The following GTF2IRD1 variants were observed in gnomAD, a reference collection of about 807,000 sequenced individuals.
The protein encoded by GTF2IRD1 is general transcription factor II-I repeat domain-containing protein 1.
A neutral mutation model predicts 113.2 loss-of-function variants in GTF2IRD1; 26 were observed. The ratio of observed to expected loss-of-function variants is 0.23; its 90% CI spans 0.17 to 0.32. The LOEUF (loss-of-function observed/expected upper bound fraction) is 0.32, where lower values mean the gene tolerates loss of function less well. Ranked by LOEUF, GTF2IRD1 falls within the 10% of genes least tolerant of loss-of-function variation. The pLI is 1.00. For synonymous variants in GTF2IRD1, 484 were observed against 529.1 expected, an observed-to-expected ratio of 0.91 and a Z score of 1.17; for missense variants, 864 against 1,280.8, an observed-to-expected ratio of 0.67 and a Z score of 4.97.
At chr7:74,457,877 G>GTT (rs1219714627) in intron 1 of GTF2IRD1, among the ~76,000 whole-genome samples, 65 of 122,748 alleles carry the variant, frequency 5.3e-4, no homozygotes, top group East Asian at 1.8e-3. Context: ...TTACGTTTTT[G>GTT]TTTTTTTTTT....
chr7:74,596,846 G>A (rs766312731), intron 25 of GTF2IRD1, among the ~76,000 whole-genome samples: 5 of 152,080 alleles, frequency 3.3e-5, no homozygotes, highest in Non-Finnish European at 7.4e-5. Context: ...CTTCAGTTCT[G>A]AGATCAGGCA....
rs1323806387 is a variant in GTF2IRD1 at position 74,552,234 on chromosome 7, T to C, written c.1917-2940T>C. The stretch of plus-strand genomic sequence containing the variant: ...ACCCTATCTCTATAAAAAAGAAAAA[T>C]AGGCCAGGAGAGGTGGCTCACGCCT... On this transcript the variant is annotated intron_variant, in intron 17 of 26. Transcript: ENST00000424337. Among the ~76,000 whole-genome samples the C allele has an allele frequency of 2.0e-5, 3 of 151,418 alleles. No individual in the cohort carries two copies. In the East Asian group the frequency reaches 5.9e-4, roughly 30 times the overall value.
At chr7:74,552,704 C>T (rs1336571580) in intron 17 of GTF2IRD1, among the ~76,000 whole-genome samples, 2 of 152,180 alleles carry the variant, frequency 1.3e-5, no homozygotes, top group African/African-American at 4.8e-5. Flanking sequence ...ACCCGGGCAG[C>T]TTGAGGTCAG....
intron 19 of GTF2IRD1, among the ~76,000 whole-genome samples, chr7:74,556,316 C>CACTT (rs1799592355): frequency 6.6e-6 from 1 of 151,576 alleles, no homozygotes. Flanking sequence ...CACATGCTGG[C>CACTT]ACTTGTCTTT....
chr7:74,478,390 A>T (rs1554333929), intron 1 of GTF2IRD1, among the ~76,000 whole-genome samples: 3 of 152,188 alleles, frequency 2.0e-5, no homozygotes, highest in African/African-American at 7.2e-5. Flanking sequence ...GCTCTCACAG[A>T]GCTGAGAGCA....
chr7:74,518,386 G>C (rs951792682), intron 5 of GTF2IRD1, 64 bp downstream of exon 5: 1 of 1,347,096 alleles, frequency 7.4e-7, no homozygotes, highest in African/African-American at 1.5e-5. Flanking sequence ...AGGGCCGGGG[G>C]CTGGAGGCCA....
chr7:74,508,004 G>A, intron 1 of GTF2IRD1, 71 bp from the exon 2 acceptor site: 7 of 1,513,466 alleles, frequency 4.6e-6, no homozygotes, highest in Non-Finnish European at 6.2e-6. Context: ...GGTGGATTGG[G>A]GTGGGCAGCC....
chr7:74,563,625 C>T (rs1800113072), intron 22 of GTF2IRD1, among the ~76,000 whole-genome samples: 1 of 151,662 alleles, frequency 6.6e-6, no homozygotes, highest in Admixed American at 6.6e-5. Flanking sequence ...GTGGTTCACC[C>T]CTGTAATCCT....
chr7:74,585,884 CAA>C (rs60492561), intron 22 of GTF2IRD1, among the ~76,000 whole-genome samples: 1 of 137,196 alleles, frequency 7.3e-6, no homozygotes, highest in Non-Finnish European at 1.6e-5. Context: ...AAGACTCTTC[CAA>C]AAAAAAAAAG....
intron 22 of GTF2IRD1, among the ~76,000 whole-genome samples, chr7:74,583,619 C>T (rs1191939547): frequency 6.6e-6 from 1 of 151,974 alleles, no homozygotes; most frequent in Non-Finnish European, 1.5e-5. Context: ...CTGACATGCA[C>T]ACTCCCACCA....
At chr7:74,540,585 G>A (rs1562851362) in intron 14 of GTF2IRD1, among the ~76,000 whole-genome samples, 1 of 151,904 alleles carries the variant, frequency 6.6e-6, no homozygotes, top group Non-Finnish European at 1.5e-5. Flanking sequence ...ACAAAGCAGT[G>A]AACCAAGCAG....
At chr7:74,558,662 G>A (rs1487217013) in intron 20 of GTF2IRD1, among the ~76,000 whole-genome samples, 199 bp from the exon 21 acceptor site, 1 of 152,028 alleles carries the variant, frequency 6.6e-6, no homozygotes, top group African/African-American at 2.4e-5. Context: ...CACCATGCTG[G>A]CCTTTTTTTT....
At chr7:74,551,183 A>G (rs1554354918) in intron 17 of GTF2IRD1, among the ~76,000 whole-genome samples, 1 of 152,184 alleles carries the variant, frequency 6.6e-6, no homozygotes. Context: ...CTCTACTAAA[A>G]GTACCACAAA....
chr7:74,517,618 T>A (rs28429185), intron 4 of GTF2IRD1, among the ~76,000 whole-genome samples: 10,512 of 146,062 alleles, frequency 0.072, 1,107 homozygotes, highest in African/African-American at 0.24. Flanking sequence ...CGGGGTTTCA[T>A]CATGTTGGCC....
intron 7 of GTF2IRD1, among the ~76,000 whole-genome samples, chr7:74,521,950 C>G (rs1797324308): frequency 6.6e-6 from 1 of 152,058 alleles, no homozygotes; most frequent in African/African-American, 2.4e-5. Flanking sequence ...AAGAGCTCAA[C>G]TGGGGCGGGA....
chr7:74,578,281 A>G (rs1384746820), intron 22 of GTF2IRD1, among the ~76,000 whole-genome samples: 1 of 152,018 alleles, frequency 6.6e-6, no homozygotes, highest in Non-Finnish European at 1.5e-5. Context: ...TCCCAGGTTC[A>G]AGTGATTCTC....
At chr7:74,488,708 G>T (rs1248721746) in intron 1 of GTF2IRD1, among the ~76,000 whole-genome samples, 2 of 152,038 alleles carry the variant, frequency 1.3e-5, no homozygotes. Flanking sequence ...CGAGGCTGTA[G>T]TTAGCTATGA....
chr7:74,539,430 A>G (rs587689929), intron 13 of GTF2IRD1, among the ~76,000 whole-genome samples: 2 of 152,236 alleles, frequency 1.3e-5, no homozygotes, highest in South Asian at 4.2e-4. Context: ...CCTGGGCAAC[A>G]GAGCGAGACC....
intron 7 of GTF2IRD1, among the ~76,000 whole-genome samples, chr7:74,521,556 G>A (rs1177304173): frequency 6.6e-6 from 1 of 152,146 alleles, no homozygotes; most frequent in Non-Finnish European, 1.5e-5. Flanking sequence ...GAAACCAGGA[G>A]TTTGAGACCA....
Sources: allele counts gnomAD v4.1 joint callset (sites outside exome capture counted in the v4.1 genomes callset), GRCh38; gene constraint gnomAD v4.1.1; transcripts MANE v1.5; gene names NCBI Gene and HGNC (gene_info 2026-07-23, HGNC 2026-07-21).